The following EMC10 variants were observed in gnomAD, a reference collection of about 807,000 sequenced individuals.
EMC10 encodes UPF0510 protein INM02.
Under a neutral mutation model 32.2 loss-of-function variants are expected in EMC10, and 40 were observed. The ratio of observed to expected loss-of-function variants is 1.24; its 90% CI spans 0.96 to 1.61. The LOEUF is 1.61. Ranked by LOEUF, EMC10 falls within the 40% of genes most tolerant of loss-of-function variation. The pLI, the probability that EMC10 is intolerant of heterozygous loss-of-function variation, is 0.00. For missense variants in EMC10, 402 were observed against 357.7 expected (o/e 1.12, Z -1.00); for synonymous variants, 178 against 158.4 (o/e 1.12, Z -0.93).
In EMC10 at chr19:50,477,956, G is replaced by T; in HGVS notation, c.142G>T (p.Ala48Ser). ...GAGAEGREGEACGTVGLLLEH... is the reference protein window; with the variant it reads ...GAGAEGREGESCGTVGLLLEH... Reference sequence around the variant, plus strand: ...TGGGGCGGAAGGTCGAGAGGGCGAGGCCTGTGGCACGGTGGGGCTGCTGCT... The same window carrying T: ...TGGGGCGGAAGGTCGAGAGGGCGAGTCCTGTGGCACGGTGGGGCTGCTGCT... Residue 48 changes from alanine to serine, a missense_variant, in exon 2 of 7, where the codon GCC (alanine) becomes TCC (serine). Ala to Ser is a moderately conservative substitution (Grantham distance 99). Transcript: ENST00000334976. The T allele has an allele frequency of 3.1e-6, 5 of 1,602,178 alleles. No homozygotes were observed. Among genetic ancestry groups the T allele is most frequent in the East Asian group, 2.3e-5 (1 of 43,890 alleles).
chr19:50,478,952 C>T lies in EMC10; in HGVS notation c.188-5C>T, dbSNP rs1388506428. On this transcript the variant is annotated splice_region_variant and splice_polypyrimidine_tract_variant and intron_variant, in intron 2 of 6. Coordinates refer to ENST00000334976, the MANE Select transcript of EMC10 (RefSeq NM_206538.4). Reference sequence around the variant, plus strand: ...GGGGCGTCTCTGAACCTGAGCTCCTCACAGATGACAGTGCCAACTTCCGGA... The same window carrying T: ...GGGGCGTCTCTGAACCTGAGCTCCTTACAGATGACAGTGCCAACTTCCGGA... 6.3e-6 allele frequency: 10 copies of T among 1,598,994 alleles called. No individual in the cohort carries two copies. Among genetic ancestry groups the T allele is most frequent in the Non-Finnish European group, 7.7e-6 (9 of 1,173,162 alleles).
rs191812035 is a variant in EMC10 at position 50,476,945 on chromosome 19, C to T, written c.114+287C>T. 467 of 332,612 alleles carry T rather than the reference C, an allele frequency of 1.4e-3. 2 individuals carry two copies. Among genetic ancestry groups the T allele is most frequent in the African/African-American group, 8.8e-3 (410 of 46,692 alleles). 20.6% of individuals were successfully genotyped at this position (332,612 alleles called of 1,614,324 possible). On this transcript the variant is annotated intron_variant, in intron 1 of 6. Transcript: ENST00000334976. The stretch of plus-strand genomic sequence containing the variant: ...TGTGGAATCTTGGAGAATCCGACGT[C>T]CGGGCGGTTGAAATGAAAGAGGCAA...
Position 50,489,089 on chromosome 19 carries a change from G to T in EMC10, c.*6830G>T. The T allele has an allele frequency of 6.6e-6, 1 of 151,958 alleles. No individual in the cohort carries two copies. The highest frequency in any genetic ancestry group is 1.5e-5 in the Non-Finnish European group (1 of 68,076). 9.4% of individuals were successfully genotyped at this position (151,958 alleles called of 1,614,324 possible). On this transcript the variant is annotated 3_prime_UTR_variant, in exon 7 of 7. Coordinates refer to ENST00000334976, the MANE Select transcript of EMC10 (RefSeq NM_206538.4). ...GAAAAGAGAAAAGGAGGGTAGGAGA[G>T]GGCTGGAGAGAGAAGGGAAGTTAAG...
In EMC10 at chr19:50,481,914, G is replaced by A. The variant is rs575791499; in HGVS notation, c.679-235G>A. 53 of 1,603,298 alleles carry A rather than the reference G, an allele frequency of 3.3e-5. No homozygotes were observed. The South Asian group carries it at 4.2e-4, about 13-fold the overall frequency. On this transcript the variant is annotated intron_variant, in intron 6 of 6. Coordinates refer to ENST00000334976, the MANE Select transcript of EMC10 (RefSeq NM_206538.4). Reference sequence around the variant, plus strand: ...TGCTCACAGCCCTGCGTCCTGCTGCGCCAGGGCCCGCGCCACCGCCACAGG... The same window carrying A: ...TGCTCACAGCCCTGCGTCCTGCTGCACCAGGGCCCGCGCCACCGCCACAGG...
At chr19:50,476,813 G>A in intron 1 of EMC10, 155 bp downstream of exon 1, 1 of 557,202 alleles carries the variant, frequency 1.8e-6, no homozygotes. Context: ...CGCACGCGCA[G>A]GAGGGGCCTC....
rs1394481341 is a variant in EMC10, at chr19:50,483,393, G to A, written c.*1134G>A. 8.5e-6 allele frequency: 2 copies of A among 236,622 alleles called. No homozygotes were observed. The highest frequency in any genetic ancestry group is 4.6e-5 in the African/African-American group (2 of 43,272). The allele number at this position is 236,622 out of a possible 1,614,324, so 14.7% of individuals were successfully genotyped here. A position where few individuals can be genotyped will look rare whatever the true frequency, so the allele number is the denominator to read the frequency against. On this transcript the variant is annotated 3_prime_UTR_variant, in exon 7 of 7. Transcript: ENST00000334976. ...GTATGGTTATAAATAGCACCCTAGT[G>A]AGTGCTGTCGTCCAGTCTCTCTTGG... is the stretch of plus-strand genomic sequence containing the variant.
intron 1 of EMC10, 33 bp from the exon 2 acceptor site, chr19:50,477,896 G>T (rs769485411): frequency 6.3e-7 from 1 of 1,582,432 alleles, no homozygotes; most frequent in Non-Finnish European, 8.6e-7. Flanking sequence ...GGCTTGGGTG[G>T]TCCTCACCTG....
In EMC10 at chr19:50,482,980, T is replaced by G; in HGVS notation, c.*721T>G. 1.7e-6 allele frequency: 1 copy of G among 578,800 alleles called. No homozygotes were observed. The highest frequency in any genetic ancestry group is 3.1e-6 in the Non-Finnish European group (1 of 318,104). 35.9% of individuals were successfully genotyped at this position (578,800 alleles called of 1,614,324 possible). Reference sequence around the variant, plus strand: ...GAAAGAAAACAAAACCAACAGTTAGTGGAGTCAAAGCCCAGACACTGTAAA... The same window carrying G: ...GAAAGAAAACAAAACCAACAGTTAGGGGAGTCAAAGCCCAGACACTGTAAA... On this transcript the variant is annotated 3_prime_UTR_variant, in exon 7 of 7. Coordinates refer to ENST00000334976, the MANE Select transcript of EMC10 (RefSeq NM_206538.4).
At chr19:50,477,626 G>A (rs764130525) in intron 1 of EMC10, among the ~76,000 whole-genome samples, 10 of 152,140 alleles carry the variant, frequency 6.6e-5, no homozygotes, top group Non-Finnish European at 1.5e-4. Context: ...CTTGGGAGAG[G>A]GAGAGTGTCA....
At chr19:50,481,694 C>T (rs963883819) in intron 6 of EMC10, 24 of 615,402 alleles carry the variant, frequency 3.9e-5, no homozygotes, top group Admixed American at 6.4e-5. Flanking sequence ...TCACCCGCTC[C>T]GCCTGGATAG....
chr19:50,476,566 G>A lies in EMC10; in HGVS notation c.22G>A (p.Ala8Thr). 1 of 1,575,274 alleles carries A rather than the reference G, an allele frequency of 6.3e-7. No homozygotes were observed. The highest frequency in any genetic ancestry group is 8.6e-7 in the Non-Finnish European group (1 of 1,166,224). ...CGAGATGGCGGCAGCCAGCGCTGGG[G>A]CAACCCGGCTGCTCCTGCTCTTGCT... MAAASAGATRLLLLLLMA... is the reference protein window; with the variant it reads MAAASAGTTRLLLLLLMA... The change falls in exon 1 of 7, where the codon GCA becomes ACA. Residue 8 changes from alanine (A) to threonine (T), a missense_variant. Ala to Thr is a moderately conservative substitution (Grantham distance 58). Transcript: ENST00000334976.
rs1165125197 is a variant in EMC10, at chr19:50,485,268, G to A, written c.*3009G>A. On this transcript the variant is annotated 3_prime_UTR_variant, in exon 7 of 7. Transcript: ENST00000334976. ...ATGCTTCCCCCTTGCTACTCCAGGTGTCTGCCCCATCCCTTCACCCTGGAG... is the reference window on the plus strand; with the variant it reads ...ATGCTTCCCCCTTGCTACTCCAGGTATCTGCCCCATCCCTTCACCCTGGAG... 2 of 152,176 alleles carry A rather than the reference G, an allele frequency of 1.3e-5. No homozygotes were observed. The highest frequency in any genetic ancestry group is 1.9e-4 in the East Asian group (1 of 5,192). 9.4% of individuals were successfully genotyped at this position (152,176 alleles called of 1,614,324 possible).
At chr19:50,482,026 C>T in intron 6 of EMC10, 123 bp from the exon 7 acceptor site, 6 of 1,566,060 alleles carry the variant, frequency 3.8e-6, no homozygotes, top group Non-Finnish European at 4.4e-6. Flanking sequence ...ACCTGGGCGC[C>T]CTCCCCTTAC....
Position 50,487,333 on chromosome 19 carries a change from C to T in EMC10, c.*5074C>T, listed in dbSNP as rs1978398426. On this transcript the variant is annotated 3_prime_UTR_variant, in exon 7 of 7. Coordinates refer to ENST00000334976, the MANE Select transcript of EMC10 (RefSeq NM_206538.4). ...ATAGGAGGCCAGGGATCGGCAGATT[C>T]AGGAGCCCACTCCTGGCCAACCCCA... 6.6e-6 allele frequency: 1 copy of T among 152,290 alleles called. No homozygotes were observed. The highest frequency in any genetic ancestry group is 6.5e-5 in the Admixed American group (1 of 15,282). The allele number at this position is 152,290 out of a possible 1,614,324, so 9.4% of individuals were successfully genotyped here. A position where few individuals can be genotyped will look rare whatever the true frequency, so the allele number is the denominator to read the frequency against.
In EMC10 at chr19:50,480,092, C is replaced by T. The variant is rs761947568; in HGVS notation, c.298-19C>T. The T allele has an allele frequency of 2.5e-6, 4 of 1,591,996 alleles. No individual in the cohort carries two copies. The highest frequency in any genetic ancestry group is 3.4e-6 in the Non-Finnish European group (4 of 1,168,386). On this transcript the variant is annotated intron_variant, in intron 3 of 6. Transcript: ENST00000334976. The surrounding 1 kb of genome is among the most constrained non-coding windows in gnomAD (Gnocchi z 4.4). Reference sequence around the variant, plus strand: ...CTGACACCATCCTTCTGACCAGCACCCTCTTCTCCCATCCCCAGGATGTGG... The same window carrying T: ...CTGACACCATCCTTCTGACCAGCACTCTCTTCTCCCATCCCCAGGATGTGG...
At position 50,480,193 on chromosome 19, in the gene EMC10, A is replaced by G. The variant is rs144520308; in HGVS notation, c.380A>G (p.Tyr127Cys). The change falls in exon 4 of 7, where the codon TAT becomes TGT. Residue 127 changes from tyrosine to cysteine, a missense_variant. Physicochemically the swap from Tyr to Cys is radical, Grantham distance 194. Transcript: ENST00000334976. This position sits in a 1 kb window ranked among gnomAD's most constrained non-coding sequence, Gnocchi z 4.4. ...GALDGLEAGG[Y>C]VSSFVPACSL... is the part of the protein sequence containing the mutation. ...CTGGATGGCCTGGAAGCTGGTGGCT[A>G]TGTCTCCTCCTTTGTCCCTGCGGTG... 3.3e-5 allele frequency: 54 copies of G among 1,613,824 alleles called. 1 individual carries two copies. In the African/African-American group the frequency reaches 4.4e-4, roughly 13 times the overall value.
rs1010227691 is a variant in EMC10, at chr19:50,485,562, A to C, written c.*3303A>C. On this transcript the variant is annotated 3_prime_UTR_variant, in exon 7 of 7. Transcript: ENST00000334976. Reference sequence around the variant, plus strand: ...CAATCACGTTCTCCTATGCACCACCATACCTACCCCTAAAGTTCTTCCTGG... The same window carrying C: ...CAATCACGTTCTCCTATGCACCACCCTACCTACCCCTAAAGTTCTTCCTGG... 6.5e-5 allele frequency: 10 copies of C among 152,968 alleles called. No individual in the cohort carries two copies. The highest frequency in any genetic ancestry group is 1.3e-4 in the Non-Finnish European group (9 of 68,650). 9.5% of individuals were successfully genotyped at this position (152,968 alleles called of 1,614,324 possible).
intron 2 of EMC10, among the ~76,000 whole-genome samples, chr19:50,478,422 C>T (rs542207122): frequency 6.6e-6 from 1 of 152,264 alleles, no homozygotes. Flanking sequence ...AGTGGCAGAG[C>T]AGGGGCCAGC....
rs532040181 is a variant in EMC10 at position 50,482,704 on chromosome 19, C to T, written c.*445C>T. ...GGTCCTGTCCAGGCTCCTGCAGCGCCCCCCTCACTTTGACACTGGACTAGG... is the reference window on the plus strand; with the variant it reads ...GGTCCTGTCCAGGCTCCTGCAGCGCTCCCCTCACTTTGACACTGGACTAGG... On this transcript the variant is annotated 3_prime_UTR_variant, in exon 7 of 7. Transcript: ENST00000334976. The T allele has an allele frequency of 1.5e-4, 71 of 477,484 alleles. No homozygotes were observed. The highest frequency in any genetic ancestry group is 1.3e-3 in the African/African-American group (65 of 50,102). The allele number at this position is 477,484 out of a possible 1,614,324, so 29.6% of individuals were successfully genotyped here. A position where few individuals can be genotyped will look rare whatever the true frequency, so the allele number is the denominator to read the frequency against.
Sources: allele counts gnomAD v4.1 joint callset (sites outside exome capture counted in the v4.1 genomes callset), GRCh38; gene constraint gnomAD v4.1.1; non-coding constraint Gnocchi (gnomAD v3.1); transcripts MANE v1.5; gene names NCBI Gene and HGNC (gene_info 2026-07-23, HGNC 2026-07-21).